The following FOXP2 variants were observed in gnomAD, a reference collection of about 807,000 sequenced individuals.
FOXP2 encodes the protein forkhead box protein P2.
A neutral mutation model predicts 115.8 loss-of-function variants in FOXP2; 12 were observed. The ratio of observed to expected loss-of-function variants is 0.10; its 90% CI spans 0.07 to 0.17. The LOEUF is 0.17. Among genes scored for constraint, FOXP2 ranks in the 10% least tolerant of loss-of-function variants. The probability of loss-of-function intolerance (pLI) is 1.00; values close to 1 mark genes in which losing one functional copy is unlikely to be tolerated. For synonymous variants in FOXP2, 328 were observed against 297.7 expected (o/e 1.10, Z -1.05); for missense variants, 629 against 843.5 (o/e 0.75, Z 3.15).
chr7:114,500,930 G>A (rs886918698), intron 2 of FOXP2, among the ~76,000 whole-genome samples: 1 of 152,068 alleles, frequency 6.6e-6, no homozygotes, highest in South Asian at 2.1e-4. Context: ...ACATTTATCA[G>A]TTTTTTTATC....
chr7:114,318,381 T>TG (rs1797325299), intron 2 of FOXP2, among the ~76,000 whole-genome samples: 1 of 55,334 alleles, frequency 1.8e-5, no homozygotes, highest in Admixed American at 1.2e-4. Context: ...CTCTCTTTGT[T>TG]TTTTTTTTTT....
intron 2 of FOXP2, among the ~76,000 whole-genome samples, chr7:114,524,482 C>CTT (rs745942340): frequency 0.048 from 7,350 of 151,802 alleles, 234 homozygotes; most frequent in Admixed American, 0.094. Context: ...TCCTGACTAC[C>CTT]CCTTGTAGAA....
chr7:114,091,797 T>C (rs1337307997), intron 1 of FOXP2, among the ~76,000 whole-genome samples: 1 of 151,972 alleles, frequency 6.6e-6, no homozygotes, highest in Non-Finnish European at 1.5e-5. Context: ...TATCTAAACT[T>C]TTTTAAAAAA....
chr7:114,267,175 G>C (rs1795914992), intron 1 of FOXP2, among the ~76,000 whole-genome samples: 1 of 151,980 alleles, frequency 6.6e-6, no homozygotes. Flanking sequence ...ACTTACTGAA[G>C]ATTGAAAAAA....
At position 114,610,800 on chromosome 7, in the gene FOXP2, A is replaced by AT. The variant is rs538234066; in HGVS notation, c.259-17727dup. ...CAGACATATGCCACCATGTCTGACTATTTTTTTTTTTTTGGTAGAGATGGG... is the reference window on the plus strand; with the variant it reads ...CAGACATATGCCACCATGTCTGACTATTTTTTTTTTTTTTGGTAGAGATGGG... On this transcript the variant is annotated intron_variant, in intron 3 of 16. Coordinates refer to ENST00000350908, the MANE Select transcript of FOXP2 (RefSeq NM_014491.4). Among the ~76,000 whole-genome samples, 707 of 140,168 alleles carry AT rather than the reference A, an allele frequency of 5.0e-3. 3 individuals are homozygous for AT. The highest frequency in any genetic ancestry group is 4.7e-3 in the South Asian group (21 of 4,460). 92.0% of individuals were successfully genotyped at this position (140,168 alleles called of 152,430 possible).
chr7:114,133,418 G>T (rs2099367111), intron 1 of FOXP2, among the ~76,000 whole-genome samples: 1 of 152,178 alleles, frequency 6.6e-6, no homozygotes, highest in South Asian at 2.1e-4. Flanking sequence ...ATAAAAATTT[G>T]TAAGTTAGCA....
chr7:114,158,169 C>G (rs1792720017), upstream of FOXP2, among the ~76,000 whole-genome samples: 2 of 151,912 alleles, frequency 1.3e-5, no homozygotes, highest in African/African-American at 4.8e-5. Context: ...AATATTTTGT[C>G]AAAATATAAG....
At chr7:114,193,740 G>T (rs1013442323) in intron 1 of FOXP2, among the ~76,000 whole-genome samples, 4 of 152,116 alleles carry the variant, frequency 2.6e-5, no homozygotes, top group Non-Finnish European at 2.9e-5. Context: ...CATTGTGTTT[G>T]ATTATTTAAA....
At chr7:114,117,629 A>G (rs765596754) in intron 1 of FOXP2, among the ~76,000 whole-genome samples, 51 of 152,238 alleles carry the variant, frequency 3.4e-4, no homozygotes, top group Non-Finnish European at 6.8e-4. Context: ...TAGAGTTGGG[A>G]AATTAAAGCC....
At chr7:114,202,684 C>T (rs1004008570) in intron 1 of FOXP2, among the ~76,000 whole-genome samples, 1 of 152,074 alleles carries the variant, frequency 6.6e-6, no homozygotes, top group Non-Finnish European at 1.5e-5. Flanking sequence ...TTAAATCATG[C>T]CTTTGTGCTA....
chr7:114,429,331 T>C (rs1794003796), intron 2 of FOXP2, among the ~76,000 whole-genome samples: 1 of 151,448 alleles, frequency 6.6e-6, no homozygotes, highest in South Asian at 2.1e-4. Flanking sequence ...GATATAATGG[T>C]AGCCACATCT....
At chr7:114,348,986 A>G (rs1192189210) in intron 2 of FOXP2, among the ~76,000 whole-genome samples, 1 of 152,136 alleles carries the variant, frequency 6.6e-6, no homozygotes, top group African/African-American at 2.4e-5. Context: ...GGACATAAAT[A>G]TAGTTCAAAG....
chr7:114,516,999 C>T (rs1798378110), intron 2 of FOXP2, among the ~76,000 whole-genome samples: 1 of 151,730 alleles, frequency 6.6e-6, no homozygotes. Context: ...TGACCTTTGT[C>T]TTTTAATAGT....
At position 114,448,811 on chromosome 7, in the gene FOXP2, A is replaced by G. The variant is rs541600757; in HGVS notation, c.168+22132A>G. Among the ~76,000 whole-genome samples the G allele has an allele frequency of 2.7e-4, 41 of 152,278 alleles. 1 individual carries two copies. In the South Asian group the frequency reaches 8.1e-3, roughly 30 times the overall value. On this transcript the variant is annotated intron_variant, in intron 2 of 16. Coordinates refer to ENST00000350908, the MANE Select transcript of FOXP2 (RefSeq NM_014491.4). ...TTTTTGAGGTGAATTTAGAAAGTTA[A>G]AAGTTTTATTTTATAGTACAGTGAT...
chr7:114,408,619 C>T (rs944668372), intron 2 of FOXP2, among the ~76,000 whole-genome samples: 5 of 151,950 alleles, frequency 3.3e-5, no homozygotes, highest in Admixed American at 2.0e-4. Context: ...CCCAGCTACT[C>T]AGGAGGCTGA....
At chr7:114,225,907 A>G (rs1299375548) in intron 1 of FOXP2, among the ~76,000 whole-genome samples, 3 of 152,160 alleles carry the variant, frequency 2.0e-5, no homozygotes, top group African/African-American at 7.2e-5. Flanking sequence ...TACAAAACAT[A>G]TTCCATTATT....
chr7:114,287,566 T>A (rs1317704426), intron 1 of FOXP2, among the ~76,000 whole-genome samples: 1 of 152,018 alleles, frequency 6.6e-6, no homozygotes, highest in Non-Finnish European at 1.5e-5. Context: ...GAGGAGTAAA[T>A]GCTTACTACC....
chr7:114,661,678 T>C, intron 13 of FOXP2: 1 of 259,836 alleles, frequency 3.8e-6, no homozygotes, highest in Non-Finnish European at 7.5e-6. Context: ...TTTTAATACC[T>C]CAAGCAGGAC....
chr7:114,179,103 T>A, intron 1 of FOXP2, among the ~76,000 whole-genome samples: 1 of 151,978 alleles, frequency 6.6e-6, no homozygotes, highest in East Asian at 1.9e-4. Flanking sequence ...AGAAGGCTCG[T>A]ACAAAGGACA....
Sources: allele counts gnomAD v4.1 joint callset (sites outside exome capture counted in the v4.1 genomes callset), GRCh38; gene constraint gnomAD v4.1.1; transcripts MANE v1.5; gene names NCBI Gene and HGNC (gene_info 2026-07-23, HGNC 2026-07-21).